Variants in CLEC19A observed in about 807,000 individuals in gnomAD.
CLEC19A encodes the protein C-type lectin domain containing 19A.
Under a neutral mutation model 26.1 loss-of-function variants are expected in CLEC19A, and 21 were observed. That is an observed-to-expected ratio of 0.80 (90% CI 0.57 to 1.16). CLEC19A has a LOEUF of 1.16. Ranked by LOEUF, CLEC19A falls within the 50% of genes most tolerant of loss-of-function variation. The pLI is 0.00. For missense variants in CLEC19A, 224 were observed against 227.6 expected (o/e 0.98, Z 0.10); for synonymous variants, 89 against 88.6 (o/e 1.00, Z -0.03).
At position 19,285,867 on chromosome 16, in the gene CLEC19A, C is replaced by G. The variant is rs148003347; in HGVS notation, c.16C>G (p.Leu6Val). The change falls in exon 1 of 5, where the codon CTG becomes GTG. Residue 6 changes from leucine (L) to valine (V), a missense_variant. Coordinates refer to ENST00000636231, the MANE Select transcript of CLEC19A (RefSeq NM_001256720.2). MQRWT[L>V]WAAAFLTLHS... ...GGAGCTCAGGATGCAAAGGTGGACA[C>G]TGTGGGCTGCAGCCTTCCTGACCCT... The G allele has an allele frequency of 4.4e-4, 679 of 1,550,558 alleles. 15 individuals carry two copies. The East Asian group carries it at 0.01, about 24-fold the overall frequency.
At chr16:19,298,640 C>T in intron 1 of CLEC19A, 33 bp from the exon 2 acceptor site, 1 of 1,547,732 alleles carries the variant, frequency 6.5e-7, no homozygotes, top group Non-Finnish European at 8.7e-7. Flanking sequence ...CACTGCCAAC[C>T]TTCCTCCCAG....
In CLEC19A at chr16:19,309,081, T is replaced by A; in HGVS notation, c.559T>A (p.Ter187ArgextTer8). Residue 187 changes from the stop codon to arginine (R), a stop_lost, in exon 5 of 5, where the codon TGA becomes AGA. Coordinates refer to ENST00000636231, the MANE Select transcript of CLEC19A (RefSeq NM_001256720.2). ...CAAAATCCCATCTCTGACCATTCAT[T>A]GATCCTGTCTTGTCCTACTGGTGTG... ...VCKIPSLTIH[*>R] 1 of 1,547,856 alleles carries A rather than the reference T, an allele frequency of 6.5e-7. No homozygotes were observed. Among genetic ancestry groups the A allele is most frequent in the South Asian group, 1.2e-5 (1 of 83,950 alleles).
intron 1 of CLEC19A, among the ~76,000 whole-genome samples, chr16:19,298,243 C>CAAAAAAA (rs377007663): frequency 7.8e-6 from 1 of 127,454 alleles, no homozygotes. Context: ...AACTCAATCT[C>CAAAAAAA]AAAAAAAAAA....
intron 1 of CLEC19A, among the ~76,000 whole-genome samples, chr16:19,297,657 A>G (rs1205699401): frequency 1.3e-5 from 2 of 152,184 alleles, no homozygotes; most frequent in Non-Finnish European, 2.9e-5. Context: ...ATTTAAAACA[A>G]TGTTTACAAA....
At chr16:19,301,736 GTTTTTTTTTTTTTTTT>G (rs1171248968) in intron 2 of CLEC19A, among the ~76,000 whole-genome samples, 1 of 81,498 alleles carries the variant, frequency 1.2e-5, no homozygotes, top group Non-Finnish European at 2.3e-5. Flanking sequence ...GGTTTTTTTG[GTTTTTTTTTTTTTTTT>G]TTTTTTTTTT....
intron 3 of CLEC19A, among the ~76,000 whole-genome samples, chr16:19,305,904 C>T (rs921252552): frequency 1.2e-4 from 18 of 151,486 alleles, no homozygotes; most frequent in East Asian, 2.0e-4. Flanking sequence ...AGTGCAGTGG[C>T]GCAATCTTGG....
intron 1 of CLEC19A, among the ~76,000 whole-genome samples, chr16:19,294,342 AAGATAG>A (rs1363459820): frequency 2.0e-5 from 3 of 152,170 alleles, no homozygotes; most frequent in Non-Finnish European, 2.9e-5. Context: ...GCCAGAAACC[AAGATAG>A]AGATAGAGAG....
At position 19,307,595 on chromosome 16, in the gene CLEC19A, G is replaced by C; in HGVS notation, c.399G>C (p.Trp133Cys). 6.5e-7 allele frequency: 1 copy of C among 1,548,310 alleles called. No homozygotes were observed. The highest frequency in any genetic ancestry group is 1.4e-5 in the African/African-American group (1 of 73,070). Residue 133 changes from tryptophan (W) to cysteine (C), a missense_variant, in exon 4 of 5, where the codon TGG (tryptophan) becomes TGC (cysteine). Trp to Cys is a radical substitution (Grantham distance 215). Coordinates refer to ENST00000636231, the MANE Select transcript of CLEC19A (RefSeq NM_001256720.2). ...GCTCATCCTATGACTACAGCTACTGGGATGGCAGCCAGCCAGATGATGGCG... is the reference window on the plus strand; with the variant it reads ...GCTCATCCTATGACTACAGCTACTGCGATGGCAGCCAGCCAGATGATGGCG... ...TDGSSYDYSY[W>C]DGSQPDDGVH... is the part of the protein sequence containing the mutation.
At chr16:19,298,080 G>A (rs1181479948) in intron 1 of CLEC19A, among the ~76,000 whole-genome samples, 20 of 151,790 alleles carry the variant, frequency 1.3e-4, no homozygotes, top group African/African-American at 2.4e-4. Flanking sequence ...GAGAAACCCC[G>A]TCTCTACTAA....
At chr16:19,305,735 G>A (rs1444560792) in intron 3 of CLEC19A, among the ~76,000 whole-genome samples, 1 of 152,164 alleles carries the variant, frequency 6.6e-6, no homozygotes, top group Non-Finnish European at 1.5e-5. Flanking sequence ...TTAGCGTGGT[G>A]CTTAGCATAT....
rs899387498 is a variant in CLEC19A, at chr16:19,309,036, C to T, written c.514C>T (p.Arg172Trp). 13 of 1,548,198 alleles carry T rather than the reference C, an allele frequency of 8.4e-6. No homozygotes were observed. Among genetic ancestry groups the T allele is most frequent in the African/African-American group, 2.7e-5 (2 of 72,950 alleles). ...LRSWNDNTCSRKFPFVCKIPS... is the reference protein window; with the variant it reads ...LRSWNDNTCSWKFPFVCKIPS... ...GTCATGGAATGATAACACCTGCAGC[C>T]GGAAGTTCCCCTTTGTCTGCAAAAT... The change falls in exon 5 of 5, where the codon CGG becomes TGG. Residue 172 changes from arginine (R) to tryptophan (W), a missense_variant. Arg to Trp is a moderately radical substitution (Grantham distance 101). Transcript: ENST00000636231.
chr16:19,308,763 G>A (rs770221092), intron 4 of CLEC19A, among the ~76,000 whole-genome samples: 12 of 152,186 alleles, frequency 7.9e-5, no homozygotes, highest in Admixed American at 2.6e-4. Flanking sequence ...GGAGCCCTGG[G>A]TAGCCAGAGT....
chr16:19,309,299 T>C lies in CLEC19A; in HGVS notation c.*216T>C. 2.1e-6 allele frequency: 1 copy of C among 479,608 alleles called. No individual in the cohort carries two copies. Among genetic ancestry groups the C allele is most frequent in the Non-Finnish European group, 3.7e-6 (1 of 270,552 alleles). The allele number at this position is 479,608 out of a possible 1,614,324, so 29.7% of individuals were successfully genotyped here. A position where few individuals can be genotyped will look rare whatever the true frequency, so the allele number is the denominator to read the frequency against. On this transcript the variant is annotated 3_prime_UTR_variant, in exon 5 of 5. Transcript: ENST00000636231. ...GGCTTAATTTTTTAAAGTGTTTTTT[T>C]TTTTAAATTGACCCAAGTAACAAAA...
At chr16:19,308,218 C>A (rs2143011500) in intron 4 of CLEC19A, among the ~76,000 whole-genome samples, 1 of 152,286 alleles carries the variant, frequency 6.6e-6, no homozygotes, top group Admixed American at 6.5e-5. Flanking sequence ...TTTGTCCTAC[C>A]TACAAGACTG....
At position 19,310,170 on chromosome 16, in the gene CLEC19A, T is replaced by C. The variant is rs578021004; in HGVS notation, c.*1087T>C. 1 of 152,226 alleles carries C rather than the reference T, an allele frequency of 6.6e-6. No individual in the cohort carries two copies. Among genetic ancestry groups the C allele is most frequent in the Admixed American group, 6.5e-5 (1 of 15,286 alleles). The allele number at this position is 152,226 out of a possible 1,614,324, so 9.4% of individuals were successfully genotyped here. A position where few individuals can be genotyped will look rare whatever the true frequency, so the allele number is the denominator to read the frequency against. On this transcript the variant is annotated 3_prime_UTR_variant, in exon 5 of 5. Transcript: ENST00000636231. The stretch of plus-strand genomic sequence containing the variant: ...GACCTAAGAGAATCGGAAACAGGTA[T>C]TTAAATATAAGTGGTCGGCCAGGTG...
chr16:19,305,953 C>A (rs1897943528), intron 3 of CLEC19A, among the ~76,000 whole-genome samples: 2 of 152,166 alleles, frequency 1.3e-5, no homozygotes, highest in East Asian at 3.9e-4. Context: ...ATGCCATTCT[C>A]CCGCCTCAGC....
intron 1 of CLEC19A, among the ~76,000 whole-genome samples, chr16:19,293,968 C>G (rs902649097): frequency 6.6e-6 from 1 of 151,986 alleles, no homozygotes; most frequent in African/African-American, 2.4e-5. Context: ...ACTGTAGTCA[C>G]CCTGTTGTGG....
At chr16:19,298,587 TAAAGA>T in intron 1 of CLEC19A, 81 bp from the exon 2 acceptor site, 1 of 1,369,328 alleles carries the variant, frequency 7.3e-7, no homozygotes, top group Non-Finnish European at 9.8e-7. Flanking sequence ...TAAAAGATTG[TAAAGA>T]AAAGAAAATA....
chr16:19,307,573 C>T lies in CLEC19A; in HGVS notation c.377C>T (p.Ser126Leu). The T allele has an allele frequency of 6.5e-7, 1 of 1,548,250 alleles. No homozygotes were observed. The highest frequency in any genetic ancestry group is 8.7e-7 in the Non-Finnish European group (1 of 1,146,794). ...GGGCAGTTTGAATGGACTGATGGCT[C>T]ATCCTATGACTACAGCTACTGGGAT... is the stretch of plus-strand genomic sequence containing the variant. ...QEGQFEWTDG[S>L]SYDYSYWDGS... The change falls in exon 4 of 5, where the codon TCA (serine) becomes TTA (leucine). Residue 126 changes from serine (S) to leucine (L), a missense_variant. Ser to Leu is a moderately radical substitution (Grantham distance 145). Coordinates refer to ENST00000636231, the MANE Select transcript of CLEC19A (RefSeq NM_001256720.2).
Sources: gnomAD v4.1 joint callset for allele counts (sites outside exome capture counted in the v4.1 genomes callset) on GRCh38, gnomAD v4.1.1 for gene constraint, MANE v1.5 for transcripts, NCBI Gene and HGNC (gene_info 2026-07-23, HGNC 2026-07-21) for gene names.